DOCK3: variants seen among roughly 807,000 people sequenced by gnomAD.
The protein encoded by DOCK3 is dedicator of cytokinesis protein 3.
DOCK3 carries 60 observed loss-of-function variants against 265.6 expected under a neutral mutation model. The ratio of observed to expected loss-of-function variants is 0.23; its 90% CI spans 0.18 to 0.28. The LOEUF is 0.28. Ranked by LOEUF, DOCK3 falls within the 10% of genes least tolerant of loss-of-function variation. The pLI, the probability that DOCK3 is intolerant of heterozygous loss-of-function variation, is 1.00. For synonymous variants in DOCK3, 881 were observed against 938.0 expected (o/e 0.94, Z 1.11); for missense variants, 1,981 against 2,594.3 (o/e 0.76, Z 5.14).
At chr3:50,883,386 A>G (rs2048158029) in intron 3 of DOCK3, among the ~76,000 whole-genome samples, 1 of 152,218 alleles carries the variant, frequency 6.6e-6, no homozygotes, top group Non-Finnish European at 1.5e-5. Context: ...AGAAAATTCA[A>G]GAGAAAAATG....
intron 12 of DOCK3, among the ~76,000 whole-genome samples, chr3:51,168,499 C>G (rs2086514971): frequency 1.3e-5 from 2 of 152,176 alleles, no homozygotes; most frequent in Non-Finnish European, 2.9e-5. Flanking sequence ...GGAAAGGACT[C>G]CCTATTCAAT....
At chr3:50,770,909 A>G (rs958569911) in intron 1 of DOCK3, among the ~76,000 whole-genome samples, 8 of 152,350 alleles carry the variant, frequency 5.3e-5, no homozygotes, top group Admixed American at 5.2e-4. Flanking sequence ...GGATATCCAT[A>G]TATAGATGAA....
chr3:50,783,801 C>T (rs1279300191), intron 2 of DOCK3, among the ~76,000 whole-genome samples: 1 of 150,670 alleles, frequency 6.6e-6, no homozygotes, highest in Non-Finnish European at 1.5e-5. Flanking sequence ...AGGGGTTTTC[C>T]GATGTTACCT....
At chr3:51,147,342 ACTTTT>A (rs2085345606) in intron 10 of DOCK3, among the ~76,000 whole-genome samples, 1 of 152,056 alleles carries the variant, frequency 6.6e-6, no homozygotes, top group Admixed American at 6.5e-5. Context: ...TGTGATCTGT[ACTTTT>A]CTTTATATAT....
At chr3:50,924,842 C>G (rs1043561841) in intron 4 of DOCK3, among the ~76,000 whole-genome samples, 1 of 152,204 alleles carries the variant, frequency 6.6e-6, no homozygotes, top group Non-Finnish European at 1.5e-5. Context: ...ATTGAATTTA[C>G]AGGACACTGG....
chr3:50,843,417 A>T (rs968909793), intron 3 of DOCK3, among the ~76,000 whole-genome samples: 1 of 152,068 alleles, frequency 6.6e-6, no homozygotes, highest in East Asian at 1.9e-4. Flanking sequence ...GGGTTTCTCT[A>T]TTTCCATGTG....
chr3:51,062,518 T>C (rs1184697343), intron 5 of DOCK3, among the ~76,000 whole-genome samples: 1 of 152,166 alleles, frequency 6.6e-6, no homozygotes, highest in African/African-American at 2.4e-5. Context: ...AGCAGTACCT[T>C]CCCCAGTGCC....
At chr3:50,984,949 T>C (rs1304573496) in intron 5 of DOCK3, among the ~76,000 whole-genome samples, 2 of 152,192 alleles carry the variant, frequency 1.3e-5, no homozygotes, top group African/African-American at 4.8e-5. Flanking sequence ...TACTGTGCCG[T>C]TTTATGTAAG....
chr3:51,238,409 TG>T (rs1332647252), intron 21 of DOCK3, among the ~76,000 whole-genome samples: 1 of 152,242 alleles, frequency 6.6e-6, no homozygotes, highest in East Asian at 1.9e-4. Context: ...CCCAAAGTGC[TG>T]GGATTACAGG....
intron 2 of DOCK3, among the ~76,000 whole-genome samples, chr3:50,833,610 A>G (rs2045325184): frequency 6.6e-6 from 1 of 152,062 alleles, no homozygotes; most frequent in East Asian, 1.9e-4. Context: ...GCCTTTCAGG[A>G]ATTGACATTC....
intron 5 of DOCK3, among the ~76,000 whole-genome samples, chr3:50,950,407 T>G (rs2076558876): frequency 6.6e-6 from 1 of 152,212 alleles, no homozygotes; most frequent in Admixed American, 6.5e-5. Flanking sequence ...CTGGGAAGAT[T>G]TGCATTTGGT....
chr3:50,965,435 A>G (rs945480727), intron 5 of DOCK3, among the ~76,000 whole-genome samples: 1 of 152,122 alleles, frequency 6.6e-6, no homozygotes, highest in African/African-American at 2.4e-5. Flanking sequence ...TAAAGATCTG[A>G]GCAGAAATAC....
intron 2 of DOCK3, among the ~76,000 whole-genome samples, chr3:50,839,631 C>T (rs1417667475): frequency 6.6e-6 from 1 of 150,836 alleles, no homozygotes; most frequent in Admixed American, 6.7e-5. Flanking sequence ...TTTGTCATCT[C>T]TGTATCTTCT....
chr3:51,003,969 G>A (rs1192247516), intron 5 of DOCK3, among the ~76,000 whole-genome samples: 1 of 152,100 alleles, frequency 6.6e-6, no homozygotes, highest in African/African-American at 2.4e-5. Flanking sequence ...TATGTACGTA[G>A]CTGAGAAAGG....
In DOCK3 at chr3:51,249,648, T is replaced by TG. The variant is rs375574220; in HGVS notation, c.2184+2850dup. ...CCAGCCGTCCCGTCCGGGAGGGAGG[T>TG]GGGGGGGGGTCAGCCCCCCACCCGG... On this transcript the variant is annotated intron_variant, in intron 22 of 52. Transcript: ENST00000266037. 1.1e-4 allele frequency among the ~76,000 whole-genome samples: 5 copies of TG among 47,160 alleles called. 1 individual carries two copies. Among genetic ancestry groups the TG allele is most frequent in the African/African-American group, 2.9e-4 (3 of 10,430 alleles). The allele number at this position is 47,160 out of a possible 152,430, so 30.9% of individuals were successfully genotyped here.
chr3:51,361,845 A>T lies in DOCK3; in HGVS notation c.5007-14A>T, dbSNP rs1318107663. ...TGGGCCTGACTCCTCCCTATTTCCCACTCTTGCTCACAGCCCCATGAACTT... is the reference window on the plus strand; with the variant it reads ...TGGGCCTGACTCCTCCCTATTTCCCTCTCTTGCTCACAGCCCCATGAACTT... On this transcript the variant is annotated splice_polypyrimidine_tract_variant and intron_variant, in intron 47 of 52. Coordinates refer to ENST00000266037, the MANE Select transcript of DOCK3 (RefSeq NM_004947.5). The surrounding 1 kb of genome is among the most constrained non-coding windows in gnomAD (Gnocchi z 4.2). The T allele has an allele frequency of 6.2e-7, 1 of 1,609,294 alleles. No individual in the cohort carries two copies. Among genetic ancestry groups the T allele is most frequent in the Non-Finnish European group, 8.5e-7 (1 of 1,177,788 alleles).
intron 49 of DOCK3, among the ~76,000 whole-genome samples, chr3:51,373,218 C>A (rs901021251): frequency 6.6e-6 from 1 of 152,188 alleles, no homozygotes; most frequent in African/African-American, 2.4e-5. Context: ...AGTGCTGGCA[C>A]TGCACACTCA....
chr3:51,200,293 A>G (rs1379832103), intron 12 of DOCK3, among the ~76,000 whole-genome samples: 1 of 151,928 alleles, frequency 6.6e-6, no homozygotes. Context: ...AAAAAAATTT[A>G]GACGAATGTA....
intron 5 of DOCK3, among the ~76,000 whole-genome samples, chr3:51,019,558 T>A (rs1040950583): frequency 2.2e-4 from 33 of 151,882 alleles, no homozygotes; most frequent in Non-Finnish European, 1.5e-5. Flanking sequence ...GCTGCACAGA[T>A]CAACCCATCA....
Sources: gnomAD v4.1 joint callset for allele counts (sites outside exome capture counted in the v4.1 genomes callset) on GRCh38, gnomAD v4.1.1 for gene constraint, Gnocchi (gnomAD v3.1) non-coding constraint, MANE v1.5 for transcripts, NCBI Gene and HGNC (gene_info 2026-07-23, HGNC 2026-07-21) for gene names.